The following MACROD2 variants were observed in gnomAD, a reference collection of about 807,000 sequenced individuals.
MACROD2 encodes the protein ADP-ribose glycohydrolase MACROD2.
In MACROD2, 36 loss-of-function variants were observed where a neutral mutation model predicts 70.4. That is an observed-to-expected ratio of 0.51 (90% CI 0.39 to 0.68). MACROD2 has a LOEUF of 0.68. MACROD2 is among the 30% of genes least tolerant of loss of function. MACROD2 has a pLI of 0.00. For synonymous variants in MACROD2, 172 were observed against 178.8 expected (o/e 0.96, Z 0.30); for missense variants, 496 against 538.4 (o/e 0.92, Z 0.78).
chr20:15,317,069 G>C (rs2077818974), intron 6 of MACROD2, among the ~76,000 whole-genome samples: 3 of 151,844 alleles, frequency 2.0e-5, no homozygotes. Context: ...GTGCTCAGAG[G>C]GTGACTTATA....
chr20:14,951,834 T>G (rs1327254635), intron 5 of MACROD2, among the ~76,000 whole-genome samples: 2 of 152,010 alleles, frequency 1.3e-5, no homozygotes, highest in African/African-American at 2.4e-5. Context: ...TCAGTGTCTC[T>G]TATCTTCCCC....
At chr20:15,217,944 C>T (rs898884668) in intron 5 of MACROD2, among the ~76,000 whole-genome samples, 5 of 152,040 alleles carry the variant, frequency 3.3e-5, no homozygotes, top group Non-Finnish European at 5.9e-5. Flanking sequence ...CTCTTAGTCT[C>T]GTAATGAATT....
At chr20:14,045,993 T>G (rs1470061772) in intron 2 of MACROD2, among the ~76,000 whole-genome samples, 1 of 152,062 alleles carries the variant, frequency 6.6e-6, no homozygotes, top group East Asian at 1.9e-4. Flanking sequence ...ATGTTTAGAG[T>G]CAGAAGAATA....
At chr20:14,695,319 C>T (rs1332318114) in intron 5 of MACROD2, among the ~76,000 whole-genome samples, 1 of 152,152 alleles carries the variant, frequency 6.6e-6, no homozygotes, top group African/African-American at 2.4e-5. Context: ...TGACATCCTC[C>T]CTGTTTCTCT....
At chr20:15,909,750 C>T (rs1003442311) in intron 10 of MACROD2, among the ~76,000 whole-genome samples, 1 of 152,002 alleles carries the variant, frequency 6.6e-6, no homozygotes, top group Non-Finnish European at 1.5e-5. Context: ...GTCTCGATCT[C>T]CTGACCTCGT....
chr20:15,981,492 G>C (rs1032379666), intron 13 of MACROD2, among the ~76,000 whole-genome samples: 1 of 152,138 alleles, frequency 6.6e-6, no homozygotes, highest in African/African-American at 2.4e-5. Context: ...ATCAGGAACT[G>C]GGTCTGTAGG....
At chr20:15,479,298 A>C (rs1600471808) in intron 7 of MACROD2, among the ~76,000 whole-genome samples, 1 of 106,200 alleles carries the variant, frequency 9.4e-6, no homozygotes, top group South Asian at 3.4e-4. Flanking sequence ...TTTGAGACGG[A>C]GTCTCGCTCT....
At chr20:14,934,352 GAGC>G (rs2074321946) in intron 5 of MACROD2, among the ~76,000 whole-genome samples, 1 of 152,192 alleles carries the variant, frequency 6.6e-6, no homozygotes, top group Non-Finnish European at 1.5e-5. Context: ...AGCATAATGA[GAGC>G]AGCAGCATAG....
chr20:15,007,330 C>T (rs983910215), intron 5 of MACROD2, among the ~76,000 whole-genome samples: 5 of 151,890 alleles, frequency 3.3e-5, no homozygotes, highest in Non-Finnish European at 7.4e-5. Context: ...CACCACTGCA[C>T]TCCAGCCTGG....
intron 3 of MACROD2, among the ~76,000 whole-genome samples, chr20:14,285,599 TAAAAAAAACTAAACTTAGA>T (rs931384899): frequency 4.0e-5 from 6 of 149,338 alleles, no homozygotes; most frequent in African/African-American, 1.5e-4. Context: ...TAAAAAACAA[TAAAAAAAACTAAACTTAGA>T]AAAAAAAAAA....
At chr20:15,806,305 C>T (rs1013896764) in intron 8 of MACROD2, among the ~76,000 whole-genome samples, 1 of 152,140 alleles carries the variant, frequency 6.6e-6, no homozygotes, top group African/African-American at 2.4e-5. Flanking sequence ...CTAGTGACAG[C>T]CTCATTTACA....
rs532044445 is a variant in MACROD2 at position 15,669,799 on chromosome 20, G to C, written c.645+169952G>C. On this transcript the variant is annotated intron_variant, in intron 8 of 17. Transcript: ENST00000684519. ...GACCTAAGAAAATTGTCAAGAGGTA[G>C]AGTTTAGAACCAGGGGCACAAAGGG... Among the ~76,000 whole-genome samples, 5 of 152,308 alleles carry C rather than the reference G, an allele frequency of 3.3e-5. No homozygotes were observed. In the South Asian group the frequency reaches 8.3e-4, roughly 25 times the overall value.
chr20:14,757,921 A>C, intron 5 of MACROD2: 1 of 1,172,460 alleles, frequency 8.5e-7, no homozygotes, highest in Non-Finnish European at 1.3e-6. Context: ...CAAGAGGGAA[A>C]GCCGACAGAG....
intron 3 of MACROD2, among the ~76,000 whole-genome samples, chr20:14,373,348 C>T (rs530889430): frequency 3.3e-5 from 5 of 151,942 alleles, no homozygotes; most frequent in Non-Finnish European, 5.9e-5. Flanking sequence ...TGAATTATGA[C>T]AACATCAAGA....
Position 13,995,568 on chromosome 20 carries a change from G to C in MACROD2, c.-196G>C, listed in dbSNP as rs1293186920. ...GCGTCCGCGGGGCTGAGGCGGGTGG[G>C]AGCCGGAGCCGAGCGCGGGCTGAGG... On this transcript the variant is annotated 5_prime_UTR_variant, in exon 1 of 18. Transcript: ENST00000684519. The surrounding 1 kb of genome is among the most constrained non-coding windows in gnomAD (Gnocchi z 4.3). 19 of 661,136 alleles carry C rather than the reference G, an allele frequency of 2.9e-5. No individual in the cohort carries two copies. The highest frequency in any genetic ancestry group is 5.3e-5 in the Non-Finnish European group (19 of 359,150). The allele number at this position is 661,136 out of a possible 1,614,324, so 41.0% of individuals were successfully genotyped here. A position where few individuals can be genotyped will look rare whatever the true frequency, so the allele number is the denominator to read the frequency against.
chr20:14,641,808 T>C (rs144350021), intron 4 of MACROD2, among the ~76,000 whole-genome samples: 15 of 152,332 alleles, frequency 9.8e-5, no homozygotes, highest in African/African-American at 3.1e-4. Flanking sequence ...TGTTGCTCCA[T>C]TTATAAAGCA....
In MACROD2 at chr20:15,345,082, T is replaced by C. The variant is rs560395398; in HGVS notation, c.541-86323T>C. Among the ~76,000 whole-genome samples the C allele has an allele frequency of 2.7e-5, 4 of 150,002 alleles. No individual in the cohort carries two copies. In the South Asian group the frequency reaches 8.6e-4, roughly 32 times the overall value. Reference sequence around the variant, plus strand: ...GAACAGAGGGATGGAGAGCTTTCTCTGGGGTCTCTTTTATAAGAACATTAA... The same window carrying C: ...GAACAGAGGGATGGAGAGCTTTCTCCGGGGTCTCTTTTATAAGAACATTAA... On this transcript the variant is annotated intron_variant, in intron 6 of 17. Transcript: ENST00000684519.
chr20:14,593,073 C>T (rs1037933160), intron 4 of MACROD2, among the ~76,000 whole-genome samples: 1 of 152,132 alleles, frequency 6.6e-6, no homozygotes, highest in African/African-American at 2.4e-5. Context: ...AATGTAGGTA[C>T]ATCTTGATGT....
chr20:14,993,435 T>A (rs2074923358), intron 5 of MACROD2, among the ~76,000 whole-genome samples: 1 of 152,148 alleles, frequency 6.6e-6, no homozygotes, highest in African/African-American at 2.4e-5. Flanking sequence ...ATTCTCTGTG[T>A]AATAAATTTA....
Sources: gnomAD v4.1 joint callset for allele counts (sites outside exome capture counted in the v4.1 genomes callset) on GRCh38, gnomAD v4.1.1 for gene constraint, Gnocchi (gnomAD v3.1) non-coding constraint, MANE v1.5 for transcripts, NCBI Gene and HGNC (gene_info 2026-07-23, HGNC 2026-07-21) for gene names.